DYNC1I1: variants seen among roughly 807,000 people sequenced by gnomAD.
DYNC1I1 encodes cytoplasmic dynein 1 intermediate chain 1.
DYNC1I1 carries 43 observed loss-of-function variants against 86.6 expected under a neutral mutation model. That is an observed-to-expected ratio of 0.50 (90% CI 0.39 to 0.64). DYNC1I1 has a LOEUF of 0.64. DYNC1I1 is among the 30% of genes least tolerant of loss of function. The pLI is 0.00. For synonymous variants in DYNC1I1, 262 were observed against 283.7 expected, an observed-to-expected ratio of 0.92 and a Z score of 0.77; for missense variants, 604 against 788.8, an observed-to-expected ratio of 0.77 and a Z score of 2.81.
chr7:95,922,856 T>C (rs1362759562), intron 6 of DYNC1I1, among the ~76,000 whole-genome samples: 4 of 152,106 alleles, frequency 2.6e-5, no homozygotes, highest in Non-Finnish European at 5.9e-5. Context: ...CCATTTTTTT[T>C]TCTAAAAATG....
At chr7:96,028,052 T>C (rs1794722862) in intron 10 of DYNC1I1, 123 bp from the exon 11 acceptor site, 2 of 1,366,486 alleles carry the variant, frequency 1.5e-6, no homozygotes, top group Non-Finnish European at 2.0e-6. Context: ...GTCCCAGCTT[T>C]AAATTATTTT....
intron 1 of DYNC1I1, among the ~76,000 whole-genome samples, chr7:95,797,596 G>A (rs1466654732): frequency 6.6e-6 from 1 of 152,130 alleles, no homozygotes; most frequent in Non-Finnish European, 1.5e-5. Flanking sequence ...GTAAAAGATC[G>A]ATTCAACGTT....
chr7:96,052,891 G>T (rs1220652772), intron 14 of DYNC1I1, among the ~76,000 whole-genome samples: 2 of 152,168 alleles, frequency 1.3e-5, no homozygotes, highest in Non-Finnish European at 2.9e-5. Context: ...ATGTCATGTA[G>T]ACTGAAGGTG....
At chr7:95,841,754 A>G (rs1053339384) in intron 5 of DYNC1I1, among the ~76,000 whole-genome samples, 1 of 152,208 alleles carries the variant, frequency 6.6e-6, no homozygotes. Context: ...TGACTTCCAG[A>G]TACAGGCTTG....
chr7:96,028,375 A>G (rs1001037455), intron 11 of DYNC1I1, 54 bp downstream of exon 11: 2 of 1,558,882 alleles, frequency 1.3e-6, no homozygotes, highest in Non-Finnish European at 1.7e-6. Flanking sequence ...GAAAGAGAAA[A>G]TAACTCTACT....
At chr7:95,948,441 T>C (rs1170009249) in intron 6 of DYNC1I1, among the ~76,000 whole-genome samples, 1 of 152,148 alleles carries the variant, frequency 6.6e-6, no homozygotes, top group African/African-American at 2.4e-5. Flanking sequence ...CAGTATGGAC[T>C]CAAGCTGCAT....
At chr7:96,092,462 A>G (rs1400653419) in intron 16 of DYNC1I1, among the ~76,000 whole-genome samples, 4 of 152,224 alleles carry the variant, frequency 2.6e-5, no homozygotes, top group Admixed American at 2.6e-4. Flanking sequence ...AAAGACACAC[A>G]GCAAGTTAAT....
intron 10 of DYNC1I1, among the ~76,000 whole-genome samples, chr7:95,996,649 C>T (rs534664029): frequency 1.8e-4 from 28 of 152,262 alleles, no homozygotes; most frequent in South Asian, 6.2e-4. Flanking sequence ...CTTCTCTCTG[C>T]GGACACGTCT....
intron 1 of DYNC1I1, among the ~76,000 whole-genome samples, chr7:95,797,411 G>A (rs926477403): frequency 6.6e-6 from 1 of 152,230 alleles, no homozygotes; most frequent in Admixed American, 6.5e-5. Context: ...GGGCCATCCT[G>A]AGCTTGACAG....
intron 14 of DYNC1I1, among the ~76,000 whole-genome samples, chr7:96,065,988 A>G (rs2116197085): frequency 6.6e-6 from 1 of 152,388 alleles, no homozygotes; most frequent in South Asian, 2.1e-4. Context: ...TAGCACATTT[A>G]TCAATGCACA....
intron 6 of DYNC1I1, among the ~76,000 whole-genome samples, chr7:95,932,598 A>G (rs1451971149): frequency 6.6e-6 from 1 of 152,210 alleles, no homozygotes; most frequent in Non-Finnish European, 1.5e-5. Context: ...TATATTAGAA[A>G]CATGAAACCA....
At chr7:96,087,449 A>G (rs982149434) in intron 16 of DYNC1I1, among the ~76,000 whole-genome samples, 4 of 152,220 alleles carry the variant, frequency 2.6e-5, no homozygotes, top group Admixed American at 2.0e-4. Context: ...AGGTATGATC[A>G]TCTGAATCAC....
intron 1 of DYNC1I1, among the ~76,000 whole-genome samples, chr7:95,774,023 A>G (rs533495455): frequency 6.6e-6 from 1 of 152,322 alleles, no homozygotes; most frequent in African/African-American, 2.4e-5. Flanking sequence ...AAGGGGTCCT[A>G]ACTCAGCTCT....
At chr7:96,105,519 G>A (rs76165027) in intron 16 of DYNC1I1, among the ~76,000 whole-genome samples, 4,088 of 152,132 alleles carry the variant, frequency 0.027, 185 homozygotes, top group African/African-American at 0.094. Context: ...TGGTCAACAT[G>A]TATTAGTCTT....
At chr7:95,953,341 C>T (rs1328196362) in intron 6 of DYNC1I1, among the ~76,000 whole-genome samples, 1 of 151,514 alleles carries the variant, frequency 6.6e-6, no homozygotes, top group Non-Finnish European at 1.5e-5. Flanking sequence ...TGAGTTGTAA[C>T]TTTTTATGTG....
rs77500607 is a variant in DYNC1I1, at chr7:96,092,279, T to A, written c.1777-5204T>A. On this transcript the variant is annotated intron_variant, in intron 16 of 16. Transcript: ENST00000447467. The stretch of plus-strand genomic sequence containing the variant: ...AAAAATTGGAAGAAAGGAATAAACA[T>A]TAAGAAGGAAAAACAACATCATGTA... 5.5e-3 allele frequency among the ~76,000 whole-genome samples: 843 copies of A among 151,894 alleles called. 5 individuals are homozygous for A. The highest frequency in any genetic ancestry group is 0.019 in the African/African-American group (787 of 41,444).
intron 4 of DYNC1I1, among the ~76,000 whole-genome samples, chr7:95,818,114 C>T (rs942701631): frequency 2.0e-5 from 3 of 152,156 alleles, no homozygotes; most frequent in Admixed American, 6.5e-5. Context: ...CATTGCATAA[C>T]ATCCTTAACA....
chr7:96,097,687 T>A lies in DYNC1I1; in HGVS notation c.*94T>A. ...TCTTGTATTCGGTGTCCATTCAGTATCAGTATTGCTGTGATATTTTGGGTG... is the reference window on the plus strand; with the variant it reads ...TCTTGTATTCGGTGTCCATTCAGTAACAGTATTGCTGTGATATTTTGGGTG... On this transcript the variant is annotated 3_prime_UTR_variant, in exon 17 of 17. Coordinates refer to ENST00000447467, the MANE Select transcript of DYNC1I1 (RefSeq NM_001135556.2). 6.4e-6 allele frequency: 10 copies of A among 1,551,340 alleles called. No individual in the cohort carries two copies. Among genetic ancestry groups the A allele is most frequent in the Non-Finnish European group, 8.7e-6 (10 of 1,145,708 alleles).
At chr7:95,803,504 T>G (rs1452908754) in intron 1 of DYNC1I1, among the ~76,000 whole-genome samples, 1 of 152,254 alleles carries the variant, frequency 6.6e-6, no homozygotes, top group Non-Finnish European at 1.5e-5. Context: ...ATGTGTATAG[T>G]AGAAAAACAG....
Sources: allele counts gnomAD v4.1 joint callset (sites outside exome capture counted in the v4.1 genomes callset), GRCh38; gene constraint gnomAD v4.1.1; transcripts MANE v1.5; gene names NCBI Gene and HGNC (gene_info 2026-07-23, HGNC 2026-07-21).